VAV3: variants seen among roughly 807,000 people sequenced by gnomAD.
VAV3 encodes vav guanine nucleotide exchange factor 3.
Under a neutral mutation model 131.2 loss-of-function variants are expected in VAV3, and 94 were observed. That is an observed-to-expected ratio of 0.72 (90% confidence interval 0.61 to 0.85). VAV3 has a LOEUF of 0.85. VAV3 is among the 40% of genes least tolerant of loss of function. The pLI, the probability that VAV3 is intolerant of heterozygous loss-of-function variation, is 0.00. For synonymous variants in VAV3, 349 were observed against 342.0 expected, an observed-to-expected ratio of 1.02 and a Z score of -0.22; for missense variants, 939 against 1,002.7, an observed-to-expected ratio of 0.94 and a Z score of 0.86.
chr1:107,602,314 C>G lies in VAV3; in HGVS notation c.2220+83G>C. Reference sequence around the variant, plus strand: ...AATAACTTTTCAGTGAGCAAAATTTCCAAGAAACTATAGAATTAAAATGAC... The same window carrying G: ...AATAACTTTTCAGTGAGCAAAATTTGCAAGAAACTATAGAATTAAAATGAC... On this transcript the variant is annotated intron_variant, in intron 24 of 26. Coordinates refer to ENST00000370056, the MANE Select transcript of VAV3 (RefSeq NM_006113.5). 29 of 1,023,804 alleles carry G rather than the reference C, an allele frequency of 2.8e-5. No homozygotes were observed. In the South Asian group the frequency reaches 4.8e-4, roughly 17 times the overall value. The allele number at this position is 1,023,804 out of a possible 1,614,324, so 63.4% of individuals were successfully genotyped here.
chr1:107,897,388 GGAGA>G (rs1441647162), intron 1 of VAV3: 1 of 151,440 alleles, frequency 6.6e-6, no homozygotes, highest in African/African-American at 2.4e-5. Flanking sequence ...AAAAGTAGAG[GGAGA>G]AAGAGAGAAA....
chr1:107,705,354 G>GAAAAA (rs376720993), intron 15 of VAV3, among the ~76,000 whole-genome samples: 1 of 129,438 alleles, frequency 7.7e-6, no homozygotes. Flanking sequence ...AACCTGCCTG[G>GAAAAA]AAAAAAAAAA....
At chr1:107,649,002 G>A (rs1333684272) in intron 19 of VAV3, among the ~76,000 whole-genome samples, 1 of 151,902 alleles carries the variant, frequency 6.6e-6, no homozygotes, top group Non-Finnish European at 1.5e-5. Context: ...CAAATTCCAG[G>A]AGGAAGGTAA....
At chr1:107,641,866 A>G (rs1268717295) in intron 20 of VAV3, among the ~76,000 whole-genome samples, 2 of 152,186 alleles carry the variant, frequency 1.3e-5, no homozygotes, top group Non-Finnish European at 2.9e-5. Flanking sequence ...ATGACCCCAC[A>G]GCACTGATAG....
At chr1:107,765,576 A>G (rs920040527) in intron 8 of VAV3, among the ~76,000 whole-genome samples, 5 of 152,208 alleles carry the variant, frequency 3.3e-5, no homozygotes, top group Non-Finnish European at 7.3e-5. Context: ...TTTTATGCCA[A>G]TCACTACATA....
At position 107,735,020 on chromosome 1, in the gene VAV3, G is replaced by T. The variant is rs189425197; in HGVS notation, c.1502+13948C>A. On this transcript the variant is annotated intron_variant, in intron 15 of 26. Transcript: ENST00000370056. ...ACAACAAACTGTCTCTCAGACTACA[G>T]TGTGATCAAAGTGGAACTCAGGATT... Among the ~76,000 whole-genome samples the T allele has an allele frequency of 3.4e-3, 522 of 152,330 alleles. 3 individuals carry two copies. Among genetic ancestry groups the T allele is most frequent in the African/African-American group, 0.012 (501 of 41,568 alleles).
At chr1:107,768,354 G>A (rs1409157420) in intron 7 of VAV3, 87 bp downstream of exon 7, 3 of 970,984 alleles carry the variant, frequency 3.1e-6, no homozygotes, top group Non-Finnish European at 3.1e-6. Context: ...ATACAAAAGA[G>A]TATTAAAATA....
chr1:107,861,113 A>G (rs1417278958), intron 2 of VAV3, among the ~76,000 whole-genome samples: 1 of 151,574 alleles, frequency 6.6e-6, no homozygotes, highest in East Asian at 1.9e-4. Context: ...ATCTCTAGGA[A>G]TTGTTCAAAT....
chr1:107,715,981 G>T (rs1343415448), intron 15 of VAV3, among the ~76,000 whole-genome samples: 1 of 152,154 alleles, frequency 6.6e-6, no homozygotes, highest in Non-Finnish European at 1.5e-5. Flanking sequence ...ATTGTTACAA[G>T]GTAATATTAG....
At chr1:107,915,357 T>A (rs537909384) in intron 1 of VAV3, among the ~76,000 whole-genome samples, 2 of 152,280 alleles carry the variant, frequency 1.3e-5, no homozygotes, top group East Asian at 3.9e-4. Flanking sequence ...CAAAAACACA[T>A]GAGCCAAGAG....
intron 2 of VAV3, among the ~76,000 whole-genome samples, chr1:107,865,450 T>A (rs1409841756): frequency 6.6e-6 from 1 of 152,072 alleles, no homozygotes; most frequent in Non-Finnish European, 1.5e-5. Flanking sequence ...GACAAGGGAC[T>A]AAAGGGAATG....
intron 15 of VAV3, among the ~76,000 whole-genome samples, chr1:107,730,891 C>T (rs1662199137): frequency 6.6e-6 from 1 of 152,036 alleles, no homozygotes; most frequent in African/African-American, 2.4e-5. Context: ...AGAGAAAAAG[C>T]CCCAGATTGA....
In VAV3 at chr1:107,643,487, A is replaced by T. The variant is rs543889747; in HGVS notation, c.1778-732T>A. Among the ~76,000 whole-genome samples, 14 of 152,316 alleles carry T rather than the reference A, an allele frequency of 9.2e-5. No individual in the cohort carries two copies. The South Asian group carries it at 2.3e-3, about 25-fold the overall frequency. On this transcript the variant is annotated intron_variant, in intron 19 of 26. Transcript: ENST00000370056. Reference sequence around the variant, plus strand: ...TGAACATGGGTCTAGGTGCAGCAATACTGGTCACAATGGACAACCTCACAG... The same window carrying T: ...TGAACATGGGTCTAGGTGCAGCAATTCTGGTCACAATGGACAACCTCACAG...
intron 15 of VAV3, among the ~76,000 whole-genome samples, chr1:107,736,961 A>G (rs1365318612): frequency 6.6e-6 from 1 of 152,192 alleles, no homozygotes; most frequent in Non-Finnish European, 1.5e-5. Context: ...GCTATCCTAC[A>G]AGGCTACAGT....
chr1:107,624,101 A>T (rs1653810390), intron 20 of VAV3, among the ~76,000 whole-genome samples: 1 of 152,170 alleles, frequency 6.6e-6, no homozygotes, highest in Admixed American at 6.5e-5. Flanking sequence ...GGCAGATGGA[A>T]GTGTCAAAAA....
chr1:107,611,929 C>T (rs969122265), intron 21 of VAV3, among the ~76,000 whole-genome samples: 1 of 152,052 alleles, frequency 6.6e-6, no homozygotes, highest in Non-Finnish European at 1.5e-5. Context: ...TACTATGGGT[C>T]CTTGTCTGGC....
intron 20 of VAV3, among the ~76,000 whole-genome samples, chr1:107,642,028 T>A (rs1310163560): frequency 1.4e-4 from 21 of 152,156 alleles, no homozygotes; most frequent in Admixed American, 1.4e-3. Flanking sequence ...CTTTAAGCAG[T>A]AATAAATCAT....
At chr1:107,659,881 A>G (rs879598040) in intron 19 of VAV3, among the ~76,000 whole-genome samples, 1 of 152,150 alleles carries the variant, frequency 6.6e-6, no homozygotes, top group Non-Finnish European at 1.5e-5. Flanking sequence ...GGGCTAAACT[A>G]GACCTTTTCC....
intron 15 of VAV3, among the ~76,000 whole-genome samples, chr1:107,712,324 A>G (rs1660835736): frequency 6.6e-6 from 1 of 152,184 alleles, no homozygotes; most frequent in Non-Finnish European, 1.5e-5. Flanking sequence ...TTCTTGAAAC[A>G]TTATGAGATT....
Sources: gnomAD v4.1 joint callset for allele counts (sites outside exome capture counted in the v4.1 genomes callset) on GRCh38, gnomAD v4.1.1 for gene constraint, MANE v1.5 for transcripts, NCBI Gene and HGNC (gene_info 2026-07-23, HGNC 2026-07-21) for gene names.